The following GPC6 variants were observed in gnomAD, a reference collection of about 807,000 sequenced individuals.
The protein encoded by GPC6 is glypican-6.
In GPC6, 14 loss-of-function variants were observed where a neutral mutation model predicts 55.2. The observed-to-expected ratio is 0.25, with a 90% confidence interval of 0.17 to 0.40. GPC6 has a LOEUF of 0.40. Among genes scored for constraint, GPC6 ranks in the 10% least tolerant of loss-of-function variants. The probability of loss-of-function intolerance (pLI) is 1.00; values close to 1 mark genes in which losing one functional copy is unlikely to be tolerated. For synonymous variants in GPC6, 278 were observed against 259.6 expected, an observed-to-expected ratio of 1.07 and a Z score of -0.68; for missense variants, 641 against 708.5, an observed-to-expected ratio of 0.90 and a Z score of 1.08.
chr13:93,346,857 G>C (rs910761462), intron 1 of GPC6, among the ~76,000 whole-genome samples: 1 of 152,052 alleles, frequency 6.6e-6, no homozygotes, highest in African/African-American at 2.4e-5. Flanking sequence ...GATACATTTA[G>C]TCATATAATT....
Position 94,327,690 on chromosome 13 carries a change from GT to G in GPC6, c.1152+21568del, listed in dbSNP as rs1178280925. Among the ~76,000 whole-genome samples, 12 of 134,798 alleles carry G rather than the reference GT, an allele frequency of 8.9e-5. No individual in the cohort carries two copies. The South Asian group carries it at 2.2e-3, about 24-fold the overall frequency. 88.4% of individuals were successfully genotyped at this position (134,798 alleles called of 152,430 possible). A position where few individuals can be genotyped will look rare whatever the true frequency, so the allele number is the denominator to read the frequency against. Reference sequence around the variant, plus strand: ...ACTAAAAATATAGATTCAAAAGTGAGTGGGTCGGAGTATTTTTGTGAGAGGT... The same window carrying G: ...ACTAAAAATATAGATTCAAAAGTGAGGGGTCGGAGTATTTTTGTGAGAGGT... On this transcript the variant is annotated intron_variant, in intron 6 of 8. Coordinates refer to ENST00000377047, the MANE Select transcript of GPC6 (RefSeq NM_005708.5).
At chr13:93,441,223 C>G (rs913005467) in intron 1 of GPC6, among the ~76,000 whole-genome samples, 2 of 152,140 alleles carry the variant, frequency 1.3e-5, no homozygotes, top group Admixed American at 1.3e-4. Context: ...AATGGGATGG[C>G]TGGGTCAAAT....
intron 3 of GPC6, among the ~76,000 whole-genome samples, chr13:93,837,979 C>A (rs1393990936): frequency 6.6e-6 from 1 of 152,208 alleles, no homozygotes; most frequent in African/African-American, 2.4e-5. Flanking sequence ...TTGCAGGAGA[C>A]AAGGATAGAG....
At chr13:94,276,728 C>T (rs1474887210) in intron 4 of GPC6, among the ~76,000 whole-genome samples, 6 of 152,070 alleles carry the variant, frequency 3.9e-5, no homozygotes, top group South Asian at 2.1e-4. Context: ...CTGAGGATGA[C>T]GGCTTCCAGT....
chr13:94,274,279 T>G (rs1892133617), intron 4 of GPC6, among the ~76,000 whole-genome samples: 1 of 152,214 alleles, frequency 6.6e-6, no homozygotes, highest in Admixed American at 6.5e-5. Flanking sequence ...AGAATTAATT[T>G]AGTTTGTATA....
At chr13:93,244,632 C>T (rs2139019653) in intron 1 of GPC6, among the ~76,000 whole-genome samples, 1 of 152,306 alleles carries the variant, frequency 6.6e-6, no homozygotes. Flanking sequence ...AGCTCTAGCA[C>T]CCGGTAGGGT....
chr13:94,052,531 T>C (rs1283505773), intron 4 of GPC6, among the ~76,000 whole-genome samples: 1 of 152,172 alleles, frequency 6.6e-6, no homozygotes, highest in African/African-American at 2.4e-5. Context: ...GGGAACCATT[T>C]ATTGTATTTC....
intron 4 of GPC6, among the ~76,000 whole-genome samples, chr13:94,237,733 G>A (rs1340674851): frequency 1.3e-5 from 2 of 152,114 alleles, no homozygotes; most frequent in Non-Finnish European, 2.9e-5. Flanking sequence ...AAAAAACGTA[G>A]GTGGGCTGGA....
intron 2 of GPC6, among the ~76,000 whole-genome samples, chr13:93,590,877 G>A (rs1408815409): frequency 2.0e-5 from 3 of 151,976 alleles, no homozygotes; most frequent in Admixed American, 2.0e-4. Context: ...GACAGTTACT[G>A]TTTTTTAAAA....
intron 1 of GPC6, among the ~76,000 whole-genome samples, chr13:93,441,550 T>G (rs568587428): frequency 1.5e-4 from 23 of 152,328 alleles, no homozygotes; most frequent in African/African-American, 5.5e-4. Flanking sequence ...GTTTGATTTT[T>G]TCTTGTAAAT....
At chr13:93,311,133 A>C (rs1879052021) in intron 1 of GPC6, among the ~76,000 whole-genome samples, 1 of 152,220 alleles carries the variant, frequency 6.6e-6, no homozygotes, top group South Asian at 2.1e-4. Flanking sequence ...CTCCGGCATC[A>C]GAAAGGGTAG....
chr13:93,377,217 C>G (rs184736569), intron 1 of GPC6, among the ~76,000 whole-genome samples: 14 of 152,238 alleles, frequency 9.2e-5, no homozygotes, highest in African/African-American at 3.4e-4. Context: ...CAGAGAAACA[C>G]CAGAGCATTG....
At chr13:93,572,200 G>A (rs1876438715) in intron 2 of GPC6, among the ~76,000 whole-genome samples, 1 of 152,170 alleles carries the variant, frequency 6.6e-6, no homozygotes, top group African/African-American at 2.4e-5. Flanking sequence ...CCTTTGAGCA[G>A]TCTTCTGTGT....
intron 4 of GPC6, among the ~76,000 whole-genome samples, chr13:94,190,530 A>T (rs1206525326): frequency 2.6e-5 from 4 of 152,196 alleles, no homozygotes; most frequent in African/African-American, 9.6e-5. Flanking sequence ...CTGAGGACAC[A>T]TGGCAATGAA....
At chr13:93,414,256 AC>A (rs1299799098) in intron 1 of GPC6, among the ~76,000 whole-genome samples, 4 of 151,742 alleles carry the variant, frequency 2.6e-5, no homozygotes, top group Admixed American at 2.0e-4. Flanking sequence ...AATTTCCCTA[AC>A]CCATTCACCC....
intron 4 of GPC6, among the ~76,000 whole-genome samples, chr13:94,134,302 C>T (rs1887107366): frequency 6.6e-6 from 1 of 152,154 alleles, no homozygotes; most frequent in African/African-American, 2.4e-5. Context: ...TAATTAATGG[C>T]AGTGCCAGAA....
chr13:94,183,479 G>T (rs1889066356), intron 4 of GPC6, among the ~76,000 whole-genome samples: 1 of 152,242 alleles, frequency 6.6e-6, no homozygotes, highest in Admixed American at 6.5e-5. Context: ...GAAGCCTGGA[G>T]CTGTTTCTAC....
intron 2 of GPC6, among the ~76,000 whole-genome samples, chr13:93,715,796 T>A (rs1454586048): frequency 1.3e-5 from 2 of 151,682 alleles, no homozygotes; most frequent in Admixed American, 1.3e-4. Flanking sequence ...GATTAAATAA[T>A]GTATGTGTAA....
At chr13:93,752,845 C>G (rs1219911800) in intron 2 of GPC6, among the ~76,000 whole-genome samples, 2 of 152,168 alleles carry the variant, frequency 1.3e-5, no homozygotes, top group Non-Finnish European at 2.9e-5. Flanking sequence ...GGCACAGTAG[C>G]TGTCATCCCT....
Sources: gnomAD v4.1 joint callset for allele counts (sites outside exome capture counted in the v4.1 genomes callset) on GRCh38, gnomAD v4.1.1 for gene constraint, MANE v1.5 for transcripts, NCBI Gene and HGNC (gene_info 2026-07-23, HGNC 2026-07-21) for gene names.